Variants in PTPRZ1 observed in about 807,000 individuals in gnomAD.
The protein encoded by PTPRZ1 is receptor-type tyrosine-protein phosphatase zeta.
Under a neutral mutation model 214.1 loss-of-function variants are expected in PTPRZ1, and 82 were observed. That is an observed-to-expected ratio of 0.38 (90% CI 0.32 to 0.46). The LOEUF (loss-of-function observed/expected upper bound fraction) is 0.46. PTPRZ1 is among the 20% of genes least tolerant of loss of function. PTPRZ1 has a pLI of 1.00. For missense variants in PTPRZ1, 2,603 were observed against 2,748.7 expected (o/e 0.95, Z 1.19); for synonymous variants, 945 against 987.9 (o/e 0.96, Z 0.81).
chr7:121,917,228 A>C (rs74422377), intron 1 of PTPRZ1, among the ~76,000 whole-genome samples: 8,821 of 152,324 alleles, frequency 0.058, 310 homozygotes, highest in Non-Finnish European at 0.085. Flanking sequence ...TTGTACAGTT[A>C]TGAGCAAAAT....
Position 122,051,900 on chromosome 7 carries a change from TGGA to T in PTPRZ1, c.6215_6217del (p.Gly2072del), listed in dbSNP as rs1479332220. The T allele has an allele frequency of 6.2e-7, 1 of 1,612,382 alleles. No individual in the cohort carries two copies. Among genetic ancestry groups the T allele is most frequent in the Non-Finnish European group, 8.5e-7 (1 of 1,179,594 alleles). On this transcript the variant is annotated inframe_deletion, in exon 25 of 30. Coordinates refer to ENST00000393386, the MANE Select transcript of PTPRZ1 (RefSeq NM_002851.3). ...CAAGGGTTGGCATTTCATCCCTGAG[TGGA>T]GAAGGCACAGACTACATCAATGCCT...
chr7:122,051,880 G>A lies in PTPRZ1; in HGVS notation c.6193G>A (p.Val2065Ile), dbSNP rs973149683. The A allele has an allele frequency of 3.7e-6, 6 of 1,612,386 alleles. No homozygotes were observed. Among genetic ancestry groups the A allele is most frequent in the Non-Finnish European group, 5.1e-6 (6 of 1,179,490 alleles). ...SSIIPVERSR[V>I]GISSLSGEGT... ...CTGTGTTCCAGTGGAAAGATCAAGG[G>A]TTGGCATTTCATCCCTGAGTGGAGA... The change falls in exon 25 of 30, where the codon GTT (valine) becomes ATT (isoleucine). Residue 2065 changes from valine to isoleucine, a missense_variant. Around this residue, in one of 6 missense-constraint regions of PTPRZ1, gnomAD observed 134 missense variants for 183.3 expected, o/e 0.73. Coordinates refer to ENST00000393386, the MANE Select transcript of PTPRZ1 (RefSeq NM_002851.3).
intron 22 of PTPRZ1, among the ~76,000 whole-genome samples, chr7:122,043,287 C>A (rs1164255081): frequency 6.6e-6 from 1 of 152,066 alleles, no homozygotes; most frequent in African/African-American, 2.4e-5. Flanking sequence ...TAGGGAATAT[C>A]CTTTAAAATG....
At chr7:122,038,646 T>C in intron 18 of PTPRZ1, 109 bp from the exon 19 acceptor site, 1 of 1,042,202 alleles carries the variant, frequency 9.6e-7, no homozygotes, top group Non-Finnish European at 1.3e-6. Context: ...TTATTTTTTA[T>C]GGTTTTCTTT....
chr7:121,890,150 C>T (rs1260341703), intron 1 of PTPRZ1, among the ~76,000 whole-genome samples: 1 of 152,150 alleles, frequency 6.6e-6, no homozygotes, highest in Non-Finnish European at 1.5e-5. Context: ...GAAGTTGTAC[C>T]TGAACCCCAG....
At chr7:121,953,181 T>C (rs1289489917) in intron 2 of PTPRZ1, among the ~76,000 whole-genome samples, 2 of 152,212 alleles carry the variant, frequency 1.3e-5, no homozygotes, top group Non-Finnish European at 2.9e-5. Context: ...TACTTTCTCA[T>C]TTTAGGTCTT....
intron 2 of PTPRZ1, among the ~76,000 whole-genome samples, chr7:121,950,285 A>G (rs1050804472): frequency 1.3e-5 from 2 of 152,218 alleles, no homozygotes; most frequent in Non-Finnish European, 2.9e-5. Context: ...TCCACAACAC[A>G]TGGGAATTCA....
At chr7:121,938,160 C>T (rs1796141249) in intron 2 of PTPRZ1, among the ~76,000 whole-genome samples, 1 of 152,190 alleles carries the variant, frequency 6.6e-6, no homozygotes, top group South Asian at 2.1e-4. Context: ...CCTCAGAAAT[C>T]CTCTCCATAA....
intron 3 of PTPRZ1, among the ~76,000 whole-genome samples, chr7:121,968,749 A>AAAAAT (rs1797122414): frequency 6.6e-6 from 1 of 151,782 alleles, no homozygotes; most frequent in South Asian, 2.1e-4. Context: ...CTTTTTTGAT[A>AAAAAT]TTCTAGTTTT....
chr7:121,914,158 T>A (rs1206490), intron 1 of PTPRZ1, among the ~76,000 whole-genome samples: 1 of 152,044 alleles, frequency 6.6e-6, no homozygotes, highest in African/African-American at 2.4e-5. Flanking sequence ...TAAATAAATA[T>A]GTAAAAGAAA....
Position 122,028,593 on chromosome 7 carries a change from C to T in PTPRZ1, c.5030C>T (p.Thr1677Ile), listed in dbSNP as rs750019294. The change falls in exon 14 of 30, where the codon ACA becomes ATA. Residue 1677 changes from threonine (T) to isoleucine (I), a missense_variant. Coordinates refer to ENST00000393386, the MANE Select transcript of PTPRZ1 (RefSeq NM_002851.3). ...GCACACTTTTACTTAGAGGACAGTACATCCCCTAGAGTTATATCCACACCT... is the reference window on the plus strand; with the variant it reads ...GCACACTTTTACTTAGAGGACAGTATATCCCCTAGAGTTATATCCACACCT... ...QTAHFYLEDSTSPRVISTPPT... is the reference protein window; with the variant it reads ...QTAHFYLEDSISPRVISTPPT... 45 of 1,549,790 alleles carry T rather than the reference C, an allele frequency of 2.9e-5. No individual in the cohort carries two copies. In the South Asian group the frequency reaches 4.9e-4, roughly 17 times the overall value.
intron 1 of PTPRZ1, among the ~76,000 whole-genome samples, chr7:121,895,165 T>G (rs1794751149): frequency 6.6e-6 from 1 of 152,214 alleles, no homozygotes; most frequent in African/African-American, 2.4e-5. Context: ...GATGTGCCCC[T>G]GGTTTTTGGA....
chr7:122,020,259 T>G (rs984201426), intron 13 of PTPRZ1, among the ~76,000 whole-genome samples: 2 of 152,074 alleles, frequency 1.3e-5, no homozygotes, highest in African/African-American at 4.8e-5. Context: ...AATGAACAAA[T>G]GAATGAAAAA....
At chr7:121,984,192 A>G (rs1018570374) in intron 8 of PTPRZ1, 75 bp downstream of exon 8, 111 of 1,315,412 alleles carry the variant, frequency 8.4e-5, no homozygotes, top group Non-Finnish European at 1.1e-4. Flanking sequence ...TAAACTGACA[A>G]ATATAGAGGA....
chr7:121,931,915 G>A (rs188623021), intron 2 of PTPRZ1, among the ~76,000 whole-genome samples: 84 of 152,190 alleles, frequency 5.5e-4, no homozygotes, highest in Non-Finnish European at 1.0e-3. Flanking sequence ...TCATTAAAGC[G>A]TGGTATTTGT....
chr7:121,921,073 G>C (rs1018897348), intron 1 of PTPRZ1, among the ~76,000 whole-genome samples: 1 of 151,904 alleles, frequency 6.6e-6, no homozygotes, highest in African/African-American at 2.4e-5. Context: ...TTGCCTACCT[G>C]TATTTTTTCT....
chr7:121,984,130 A>G lies in PTPRZ1; in HGVS notation c.928+13A>G. On this transcript the variant is annotated intron_variant, in intron 8 of 29. Coordinates refer to ENST00000393386, the MANE Select transcript of PTPRZ1 (RefSeq NM_002851.3). ...ATTCATGAAGCAGGTATGTATTTAA[A>G]TATAATCTTCTACAACTCTCATAGA... The G allele has an allele frequency of 6.2e-7, 1 of 1,605,516 alleles. No individual in the cohort carries two copies. The highest frequency in any genetic ancestry group is 8.5e-7 in the Non-Finnish European group (1 of 1,175,036).
At position 122,004,574 on chromosome 7, in the gene PTPRZ1, T is replaced by A. The variant is rs753431115; in HGVS notation, c.1241-40T>A. ...GGTAAATCCACAAAGGCCGAAATAG[T>A]TGAATAAAAACTTTAATAATTTTGT... On this transcript the variant is annotated intron_variant, in intron 10 of 29. Transcript: ENST00000393386. 239 of 1,125,832 alleles carry A rather than the reference T, an allele frequency of 2.1e-4. 4 individuals carry two copies. Among genetic ancestry groups the A allele is most frequent in the Middle Eastern group, 1.2e-3 (6 of 4,854 alleles). The allele number at this position is 1,125,832 out of a possible 1,614,324, so 69.7% of individuals were successfully genotyped here.
At chr7:121,876,850 G>A (rs1348760179) in intron 1 of PTPRZ1, among the ~76,000 whole-genome samples, 1 of 152,166 alleles carries the variant, frequency 6.6e-6, no homozygotes, top group Non-Finnish European at 1.5e-5. Context: ...AAAATTTTAT[G>A]TTGTGGGAAT....
Sources: allele counts gnomAD v4.1 joint callset (sites outside exome capture counted in the v4.1 genomes callset), GRCh38; gene constraint gnomAD v4.1.1; regional missense constraint gnomAD v4.1.1; transcripts MANE v1.5; gene names NCBI Gene and HGNC (gene_info 2026-07-23, HGNC 2026-07-21).